The following BABAM2 variants were observed in gnomAD, a reference collection of about 807,000 sequenced individuals.
BABAM2 encodes BRISC and BRCA1 A complex member 2.
Under a neutral mutation model 54.7 loss-of-function variants are expected in BABAM2, and 31 were observed. The ratio of observed to expected loss-of-function variants is 0.57; its 90% CI spans 0.43 to 0.77. BABAM2 has a LOEUF of 0.77. BABAM2 is among the 30% of genes least tolerant of loss of function. The pLI, the probability that BABAM2 is intolerant of heterozygous loss-of-function variation, is 0.00. For missense variants in BABAM2, 364 were observed against 455.8 expected (o/e 0.80, Z 1.83); for synonymous variants, 167 against 162.9 (o/e 1.03, Z -0.19).
chr2:28,324,564 A>C (rs556281830), intron 11 of BABAM2, among the ~76,000 whole-genome samples: 3 of 151,204 alleles, frequency 2.0e-5, no homozygotes, highest in African/African-American at 7.3e-5. Context: ...ACTTGAGCTC[A>C]GGAGTTTGAG....
intron 6 of BABAM2, among the ~76,000 whole-genome samples, chr2:28,085,227 A>G (rs1330470295): frequency 6.6e-6 from 1 of 152,240 alleles, no homozygotes; most frequent in African/African-American, 2.4e-5. Context: ...ACATAAATGT[A>G]AATTGTTTTA....
At chr2:27,903,571 T>C (rs1665969862) in intron 2 of BABAM2, among the ~76,000 whole-genome samples, 1 of 152,166 alleles carries the variant, frequency 6.6e-6, no homozygotes, top group Non-Finnish European at 1.5e-5. Flanking sequence ...ATGAATATAC[T>C]AGTCCCCCCT....
intron 6 of BABAM2, among the ~76,000 whole-genome samples, chr2:28,055,931 C>T (rs973915612): frequency 2.0e-5 from 3 of 152,148 alleles, no homozygotes; most frequent in Non-Finnish European, 4.4e-5. Flanking sequence ...GAGATCTTGC[C>T]ATTTGCCACA....
At chr2:27,913,090 A>T (rs1016565569) in intron 2 of BABAM2, among the ~76,000 whole-genome samples, 9 of 151,986 alleles carry the variant, frequency 5.9e-5, no homozygotes, top group Non-Finnish European at 1.0e-4. Context: ...AGAACAGATT[A>T]AAAAAAATGT....
chr2:27,964,797 T>C (rs1573280871), intron 3 of BABAM2, among the ~76,000 whole-genome samples: 1 of 152,356 alleles, frequency 6.6e-6, no homozygotes, highest in East Asian at 1.9e-4. Context: ...GATCCAATTC[T>C]CTGTTCTCAG....
At chr2:28,239,188 T>C (rs1385044632) in intron 8 of BABAM2, among the ~76,000 whole-genome samples, 2 of 152,244 alleles carry the variant, frequency 1.3e-5, no homozygotes, top group Non-Finnish European at 2.9e-5. Context: ...GATCCCGCAT[T>C]AAGCCTGCAA....
At chr2:28,135,072 C>G (rs972921995) in intron 7 of BABAM2, among the ~76,000 whole-genome samples, 2 of 152,108 alleles carry the variant, frequency 1.3e-5, no homozygotes, top group Non-Finnish European at 2.9e-5. Flanking sequence ...TACTGTAGTG[C>G]TTGGCCCATG....
At chr2:28,165,830 C>T (rs1673613711) in intron 7 of BABAM2, among the ~76,000 whole-genome samples, 1 of 152,098 alleles carries the variant, frequency 6.6e-6, no homozygotes, top group African/African-American at 2.4e-5. Flanking sequence ...GCCGCTGTGC[C>T]CGGCTACACT....
intron 6 of BABAM2, among the ~76,000 whole-genome samples, chr2:28,071,864 C>G (rs1664172620): frequency 1.3e-5 from 2 of 152,174 alleles, no homozygotes; most frequent in Non-Finnish European, 2.9e-5. Context: ...GAAATTCATT[C>G]TCATCTTTGG....
intron 10 of BABAM2, among the ~76,000 whole-genome samples, chr2:28,279,708 C>T (rs1686190942): frequency 6.7e-6 from 1 of 148,230 alleles, no homozygotes; most frequent in Admixed American, 6.7e-5. Flanking sequence ...TCTTGTTACC[C>T]AGGCTGGAGT....
At chr2:28,106,780 A>G (rs1667565166) in intron 6 of BABAM2, among the ~76,000 whole-genome samples, 1 of 152,212 alleles carries the variant, frequency 6.6e-6, no homozygotes, top group African/African-American at 2.4e-5. Context: ...GAAACCACCC[A>G]AATATCCTAT....
chr2:27,964,966 T>C (rs1670736273), intron 3 of BABAM2, among the ~76,000 whole-genome samples: 1 of 152,236 alleles, frequency 6.6e-6, no homozygotes, highest in East Asian at 1.9e-4. Flanking sequence ...AATAATGAGG[T>C]TTTTGTTACA....
chr2:28,155,884 G>A (rs1672499123), intron 7 of BABAM2, among the ~76,000 whole-genome samples: 1 of 152,142 alleles, frequency 6.6e-6, no homozygotes, highest in Admixed American at 6.5e-5. Flanking sequence ...GTGGAAATTA[G>A]TAGGAAGTGT....
intron 10 of BABAM2, among the ~76,000 whole-genome samples, chr2:28,275,732 G>T (rs186088477): frequency 5.9e-5 from 9 of 152,230 alleles, no homozygotes; most frequent in Admixed American, 5.9e-4. Flanking sequence ...TAGAATTATT[G>T]ATATATATCT....
At chr2:28,087,680 G>T (rs893075301) in intron 6 of BABAM2, among the ~76,000 whole-genome samples, 1 of 150,818 alleles carries the variant, frequency 6.6e-6, no homozygotes, top group Admixed American at 6.6e-5. Context: ...ACAGAGTCTC[G>T]CTCTGTCGCC....
At chr2:28,211,180 CAGTT>C (rs1679413970) in intron 7 of BABAM2, among the ~76,000 whole-genome samples, 1 of 152,136 alleles carries the variant, frequency 6.6e-6, no homozygotes, top group Non-Finnish European at 1.5e-5. Flanking sequence ...AGAGAGCTGT[CAGTT>C]AGGTTTTGAA....
At chr2:28,117,441 T>C (rs1048022528) in intron 6 of BABAM2, among the ~76,000 whole-genome samples, 2 of 152,196 alleles carry the variant, frequency 1.3e-5, no homozygotes, top group African/African-American at 2.4e-5. Context: ...TATAGTGCAA[T>C]TTATTAGCTT....
At chr2:28,106,511 G>C (rs1458068859) in intron 6 of BABAM2, among the ~76,000 whole-genome samples, 2 of 152,188 alleles carry the variant, frequency 1.3e-5, no homozygotes, top group Non-Finnish European at 2.9e-5. Context: ...TTATAGGCCA[G>C]TTATGTTATA....
At chr2:28,142,435 G>A (rs1282551474) in intron 7 of BABAM2, among the ~76,000 whole-genome samples, 1 of 152,136 alleles carries the variant, frequency 6.6e-6, no homozygotes, top group Non-Finnish European at 1.5e-5. Context: ...TTTCAGCTGA[G>A]CCAAACCATT....
Sources: gnomAD v4.1 joint callset for allele counts (sites outside exome capture counted in the v4.1 genomes callset) on GRCh38, gnomAD v4.1.1 for gene constraint, MANE v1.5 for transcripts, NCBI Gene and HGNC (gene_info 2026-07-23, HGNC 2026-07-21) for gene names.